ANGPTL2: variants seen among roughly 807,000 people sequenced by gnomAD.
The protein encoded by ANGPTL2 is angiopoietin like 2.
ANGPTL2 carries 25 observed loss-of-function variants against 52.8 expected under a neutral mutation model. The observed-to-expected ratio is 0.47, with a 90% CI of 0.35 to 0.66. The LOEUF (loss-of-function observed/expected upper bound fraction) is 0.66. ANGPTL2 is among the 30% of genes least tolerant of loss of function. The probability of loss-of-function intolerance (pLI) is 0.01; values close to 1 mark genes in which losing one functional copy is unlikely to be tolerated. For synonymous variants in ANGPTL2, 276 were observed against 277.4 expected, an observed-to-expected ratio of 1.00 and a Z score of 0.05; for missense variants, 546 against 656.9, an observed-to-expected ratio of 0.83 and a Z score of 1.84.
At position 127,108,174 on chromosome 9, in the gene ANGPTL2, C is replaced by T; in HGVS notation, c.558G>A (p.Leu186=). The change falls in exon 2 of 5, where the codon CTG becomes CTA. Residue 186 remains leucine (L), a synonymous_variant. Transcript: ENST00000373425. Reference sequence around the variant, plus strand: ...CTGATTGGTTGTGGGCCAGTGTGGCCAGGTGCTGGTACTTGTGCTCCAGGT... The same window carrying T: ...CTGATTGGTTGTGGGCCAGTGTGGCTAGGTGCTGGTACTTGTGCTCCAGGT... ...YKDLEHKYQH[L]ATLAHNQSEI... is the part of the protein sequence containing the mutation. 6.2e-7 allele frequency: 1 copy of T among 1,614,060 alleles called. No individual in the cohort carries two copies. Among genetic ancestry groups the T allele is most frequent in the Non-Finnish European group, 8.5e-7 (1 of 1,180,012 alleles).
intron 2 of ANGPTL2, among the ~76,000 whole-genome samples, chr9:127,105,688 C>T (rs75586617): frequency 2.0e-5 from 3 of 152,148 alleles, no homozygotes; most frequent in East Asian, 1.9e-4. Flanking sequence ...TTGGCCTCGA[C>T]GGATACTCCC....
chr9:127,100,384 G>A (rs12352559), intron 2 of ANGPTL2, among the ~76,000 whole-genome samples: 12,353 of 152,226 alleles, frequency 0.081, 1,650 homozygotes, highest in African/African-American at 0.28. Flanking sequence ...GACCTCGGGA[G>A]AAACAGACAT....
At position 127,108,279 on chromosome 9, in the gene ANGPTL2, G is replaced by A. The variant is rs377308519; in HGVS notation, c.453C>T (p.Asn151=). The A allele has an allele frequency of 5.6e-5, 90 of 1,614,008 alleles. No homozygotes were observed. The East Asian group carries it at 7.1e-4, about 13-fold the overall frequency. ...LLHEIIRKRD[N]ALELSQLENR... ...TCTCCAGCTGGGAGAGCTCCAACGC[G>A]TTGTCCCGCTTGCGGATGATCTCGT... Residue 151 remains asparagine, a synonymous_variant, in exon 2 of 5, where the codon AAC becomes AAT. Transcript: ENST00000373425.
Position 127,088,288 on chromosome 9 carries a change from G to T in ANGPTL2, c.*651C>A, listed in dbSNP as rs2052016046. 6.6e-6 allele frequency: 1 copy of T among 152,222 alleles called. No homozygotes were observed. Among genetic ancestry groups the T allele is most frequent in the Non-Finnish European group, 1.5e-5 (1 of 68,046 alleles). The allele number at this position is 152,222 out of a possible 1,614,324, so 9.4% of individuals were successfully genotyped here. On this transcript the variant is annotated 3_prime_UTR_variant, in exon 5 of 5. Coordinates refer to ENST00000373425, the MANE Select transcript of ANGPTL2 (RefSeq NM_012098.3). ...TTTGAAATTTGATTAGGTGCCAAAA[G>T]GGGTTCTTAAGAAGCTGGGAACCTC...
At chr9:127,117,196 A>G (rs1345275261) in intron 1 of ANGPTL2, among the ~76,000 whole-genome samples, 1 of 152,208 alleles carries the variant, frequency 6.6e-6, no homozygotes, top group Non-Finnish European at 1.5e-5. Context: ...CCATCCATTC[A>G]GTGAGGTCTT....
rs146774627 is a variant in ANGPTL2 at position 127,116,321 on chromosome 9, G to C, written c.-50+5994C>G. On this transcript the variant is annotated intron_variant, in intron 1 of 4. Transcript: ENST00000373425. ...GGTCACACCATGAGATCATAGGGTA[G>C]AGGGGGATGTGGTTAGGGAGTGGGG... 2.5e-3 allele frequency among the ~76,000 whole-genome samples: 384 copies of C among 152,224 alleles called. 2 individuals are homozygous for C. Among genetic ancestry groups the C allele is most frequent in the Admixed American group, 6.2e-3 (95 of 15,298 alleles).
chr9:127,108,492 C>G lies in ANGPTL2; in HGVS notation c.240G>C (p.Leu80=). The G allele has an allele frequency of 6.2e-7, 1 of 1,612,878 alleles. No individual in the cohort carries two copies. The highest frequency in any genetic ancestry group is 1.3e-5 in the African/African-American group (1 of 74,568). Residue 80 remains leucine (L), a synonymous_variant, in exon 2 of 5, where the codon CTG becomes CTC. Coordinates refer to ENST00000373425, the MANE Select transcript of ANGPTL2 (RefSeq NM_012098.3). ...CVNSKEPEVL[L]ENRVHKQELE... ...GCTCCTGCTTATGCACTCGGTTCTC[C>G]AGAAGCACCTCAGGCTCCTTGGAGT...
chr9:127,120,296 T>G (rs2055910274), intron 1 of ANGPTL2, among the ~76,000 whole-genome samples: 1 of 152,228 alleles, frequency 6.6e-6, no homozygotes, highest in South Asian at 2.1e-4. Context: ...CTTCCTCCTG[T>G]AAGGTTGGTA....
At chr9:127,117,039 T>G (rs966943940) in intron 1 of ANGPTL2, among the ~76,000 whole-genome samples, 6 of 152,228 alleles carry the variant, frequency 3.9e-5, no homozygotes, top group African/African-American at 1.4e-4. Flanking sequence ...CACCCACATC[T>G]GATCATGTCA....
At chr9:127,089,671 T>A (rs2052220864) in intron 4 of ANGPTL2, among the ~76,000 whole-genome samples, 1 of 152,238 alleles carries the variant, frequency 6.6e-6, no homozygotes, top group South Asian at 2.1e-4. Context: ...CCAGCTTGTA[T>A]TCCATCCAAA....
chr9:127,112,207 C>T (rs1216315166), intron 1 of ANGPTL2, among the ~76,000 whole-genome samples: 1 of 152,168 alleles, frequency 6.6e-6, no homozygotes, highest in Non-Finnish European at 1.5e-5. Flanking sequence ...TTGGGCTCTG[C>T]TAGGAGGTGG....
intron 1 of ANGPTL2, among the ~76,000 whole-genome samples, chr9:127,121,195 A>G (rs974381211): frequency 6.6e-6 from 1 of 152,250 alleles, no homozygotes; most frequent in African/African-American, 2.4e-5. Context: ...AGTAAGTGCA[A>G]TATAAGTGTT....
intron 2 of ANGPTL2, among the ~76,000 whole-genome samples, chr9:127,104,266 G>A (rs1031582642): frequency 3.3e-5 from 5 of 152,174 alleles, no homozygotes; most frequent in African/African-American, 9.7e-5. Flanking sequence ...TGCTGTTGGC[G>A]CTGTCCTTTC....
intron 2 of ANGPTL2, among the ~76,000 whole-genome samples, chr9:127,099,201 G>A (rs1195014136): frequency 6.6e-6 from 1 of 152,176 alleles, no homozygotes; most frequent in Non-Finnish European, 1.5e-5. Flanking sequence ...CCACTCAGAG[G>A]ACCCTGTGGC....
chr9:127,112,201 G>T (rs571866434), intron 1 of ANGPTL2, among the ~76,000 whole-genome samples: 119 of 152,344 alleles, frequency 7.8e-4, no homozygotes, highest in African/African-American at 2.8e-3. Flanking sequence ...TCTGGTTTGG[G>T]CTCTGCTAGG....
At chr9:127,111,499 G>A (rs1022320884) in intron 1 of ANGPTL2, among the ~76,000 whole-genome samples, 1 of 152,230 alleles carries the variant, frequency 6.6e-6, no homozygotes, top group Admixed American at 6.5e-5. Context: ...GCCAACAGCT[G>A]CTGAGCAGCT....
At chr9:127,104,491 A>C (rs1040661794) in intron 2 of ANGPTL2, among the ~76,000 whole-genome samples, 4 of 152,252 alleles carry the variant, frequency 2.6e-5, no homozygotes, top group African/African-American at 9.6e-5. Context: ...CATTTGGCCC[A>C]GGCCTCATCA....
intron 1 of ANGPTL2, among the ~76,000 whole-genome samples, chr9:127,116,916 G>T (rs376367347): frequency 6.6e-6 from 1 of 152,144 alleles, no homozygotes; most frequent in South Asian, 2.1e-4. Context: ...TAACAGATTT[G>T]TCTAACCCAG....
chr9:127,118,404 AT>A (rs1193404444), intron 1 of ANGPTL2, among the ~76,000 whole-genome samples: 1 of 152,130 alleles, frequency 6.6e-6, no homozygotes, highest in Non-Finnish European at 1.5e-5. Context: ...TAACTCTTCT[AT>A]TTGGGGTGTT....
Sources: gnomAD v4.1 joint callset for allele counts (sites outside exome capture counted in the v4.1 genomes callset) on GRCh38, gnomAD v4.1.1 for gene constraint, MANE v1.5 for transcripts, NCBI Gene and HGNC (gene_info 2026-07-23, HGNC 2026-07-21) for gene names.